The following C12orf42 variants were observed in gnomAD, a reference collection of about 807,000 sequenced individuals.
The protein encoded by C12orf42 is uncharacterized protein C12orf42.
A neutral mutation model predicts 21.6 loss-of-function variants in C12orf42; 25 were observed. That is an observed-to-expected ratio of 1.16 (90% CI 0.84 to 1.62). The LOEUF is 1.62. Ranked by LOEUF, C12orf42 falls within the 40% of genes most tolerant of loss-of-function variation. C12orf42 has a pLI of 0.00. For synonymous variants in C12orf42, 174 were observed against 175.0 expected (o/e 0.99, Z 0.05); for missense variants, 483 against 459.3 (o/e 1.05, Z -0.47).
At chr12:103,073,137 G>A in the C12orf42 span, among the ~76,000 whole-genome samples, 1 of 152,090 alleles carries the variant, frequency 6.6e-6, no homozygotes. Flanking sequence ...GAGAACACAC[G>A]GACATATAGA....
the C12orf42 span, among the ~76,000 whole-genome samples, chr12:103,124,029 T>C: frequency 2.6e-5 from 4 of 151,974 alleles, no homozygotes; most frequent in African/African-American, 7.2e-5. Context: ...CCCCAGCAAG[T>C]GGTTGAAACT....
At chr12:103,387,897 CCT>C (rs1430682358) in intron 3 of C12orf42, among the ~76,000 whole-genome samples, 2 of 152,168 alleles carry the variant, frequency 1.3e-5, no homozygotes, top group Non-Finnish European at 2.9e-5. Flanking sequence ...CCTTCCCTTT[CCT>C]CTCTCTTTTT....
chr12:103,050,563 T>G, the C12orf42 span, among the ~76,000 whole-genome samples: 1 of 151,998 alleles, frequency 6.6e-6, no homozygotes, highest in South Asian at 2.1e-4. Context: ...ATATAAGAGA[T>G]AAATCCTATA....
chr12:103,178,648 A>C, the C12orf42 span: 1 of 152,190 alleles, frequency 6.6e-6, no homozygotes, highest in Non-Finnish European at 1.5e-5. Context: ...CTAGTGCTTT[A>C]GAGCAACGTG....
chr12:103,116,411 C>CAT, the C12orf42 span, among the ~76,000 whole-genome samples: 21 of 145,118 alleles, frequency 1.4e-4, no homozygotes, highest in Admixed American at 2.8e-4. Context: ...TATACATATA[C>CAT]ATATATATAT....
chr12:103,214,902 C>A, the C12orf42 span, among the ~76,000 whole-genome samples: 2 of 152,136 alleles, frequency 1.3e-5, no homozygotes, highest in Non-Finnish European at 2.9e-5. Flanking sequence ...TAGACCAAAC[C>A]TCACCAAAAT....
At chr12:103,089,619 CTGTG>C in the C12orf42 span, among the ~76,000 whole-genome samples, 5,840 of 145,346 alleles carry the variant, frequency 0.04, 261 homozygotes, top group African/African-American at 0.12. Context: ...GTGTGTGTGT[CTGTG>C]TGTGTGTGTG....
chr12:103,548,694 T>C, the C12orf42 span: 6 of 152,214 alleles, frequency 3.9e-5, no homozygotes, highest in Non-Finnish European at 5.9e-5. Context: ...ATAATGAACA[T>C]AACATATGAG....
At chr12:103,133,261 T>C in the C12orf42 span, among the ~76,000 whole-genome samples, 2 of 152,078 alleles carry the variant, frequency 1.3e-5, no homozygotes, top group Non-Finnish European at 2.9e-5. Flanking sequence ...ACATTTGGGA[T>C]CCAGAGGTTA....
intron 3 of C12orf42, among the ~76,000 whole-genome samples, chr12:103,381,224 C>T (rs1257293698): frequency 1.3e-5 from 2 of 152,168 alleles, no homozygotes; most frequent in Non-Finnish European, 1.5e-5. Flanking sequence ...AACAATGTTC[C>T]CTTCCCTTCC....
intron 2 of C12orf42, among the ~76,000 whole-genome samples, chr12:103,432,379 C>G (rs925759778): frequency 2.6e-5 from 4 of 152,186 alleles, no homozygotes; most frequent in African/African-American, 9.7e-5. Flanking sequence ...ACCTGACCAT[C>G]AACTGATGCT....
At chr12:103,082,644 CG>C in the C12orf42 span, among the ~76,000 whole-genome samples, 3 of 152,234 alleles carry the variant, frequency 2.0e-5, no homozygotes, top group East Asian at 5.8e-4. Flanking sequence ...TGTATACATA[CG>C]TAACAAACCT....
intron 3 of C12orf42, among the ~76,000 whole-genome samples, chr12:103,373,966 T>A (rs2045479866): frequency 6.6e-6 from 1 of 152,226 alleles, no homozygotes; most frequent in Middle Eastern, 3.2e-3. Flanking sequence ...TGTGTGATTT[T>A]AATCATGGCT....
the C12orf42 span, among the ~76,000 whole-genome samples, chr12:103,204,636 A>G: frequency 2.0e-5 from 3 of 152,358 alleles, no homozygotes; most frequent in Admixed American, 2.0e-4. Context: ...TAGGAAAAAT[A>G]GCACAAGATA....
the C12orf42 span, among the ~76,000 whole-genome samples, chr12:103,097,402 C>CGAATATAA: frequency 6.6e-6 from 1 of 152,096 alleles, no homozygotes; most frequent in African/African-American, 2.4e-5. Flanking sequence ...TCTTAGGATT[C>CGAATATAA]GAATATAAGA....
the C12orf42 span, among the ~76,000 whole-genome samples, chr12:103,231,757 A>C: frequency 1.3e-5 from 2 of 152,212 alleles, no homozygotes; most frequent in Admixed American, 1.3e-4. Flanking sequence ...ATTATGAATA[A>C]AGCTGTTATA....
chr12:103,217,054 G>A, the C12orf42 span, among the ~76,000 whole-genome samples: 1 of 151,818 alleles, frequency 6.6e-6, no homozygotes, highest in African/African-American at 2.4e-5. Context: ...TGTTGGCGAG[G>A]GTTGTCTCAA....
Position 103,255,657 on chromosome 12 carries a change from T to C in C12orf42, c.*1366+7669A>G, listed in dbSNP as rs375694666. On this transcript the variant is annotated intron_variant and NMD_transcript_variant, in intron 10 of 10. Coordinates refer to the C12orf42 transcript ENST00000547347. ...AGGACCATTTAGTCTAAAATTAATATGTTAAACCACCCATATTTTGATTTA... is the reference window on the plus strand; with the variant it reads ...AGGACCATTTAGTCTAAAATTAATACGTTAAACCACCCATATTTTGATTTA... Among the ~76,000 whole-genome samples, 10 of 152,270 alleles carry C rather than the reference T, an allele frequency of 6.6e-5. No individual in the cohort carries two copies. In the East Asian group the frequency reaches 7.7e-4, roughly 12 times the overall value.
the C12orf42 span, among the ~76,000 whole-genome samples, chr12:103,160,406 G>C: frequency 6.6e-6 from 1 of 152,174 alleles, no homozygotes; most frequent in Non-Finnish European, 1.5e-5. Flanking sequence ...CTAATACCCT[G>C]TATTCACATT....
Sources: gnomAD v4.1 joint callset for allele counts (sites outside exome capture counted in the v4.1 genomes callset) on GRCh38, gnomAD v4.1.1 for gene constraint, MANE v1.5 for transcripts, NCBI Gene and HGNC (gene_info 2026-07-23, HGNC 2026-07-21) for gene names.